KRT13: variants seen among roughly 807,000 people sequenced by gnomAD.
The protein encoded by KRT13 is keratin, type I cytoskeletal 13.
Under a neutral mutation model 40.6 loss-of-function variants are expected in KRT13, and 27 were observed. That is an observed-to-expected ratio of 0.67 (90% CI 0.49 to 0.92). The LOEUF is 0.92. KRT13 is among the 40% of genes least tolerant of loss of function. The probability of loss-of-function intolerance (pLI) is 0.00; values close to 1 mark genes in which losing one functional copy is unlikely to be tolerated. For missense variants in KRT13, 605 were observed against 611.5 expected (o/e 0.99, Z 0.11); for synonymous variants, 266 against 240.3 (o/e 1.11, Z -0.99).
chr17:41,503,525 A>C, intron 2 of KRT13, 82 bp from the exon 3 acceptor site: 2 of 1,553,358 alleles, frequency 1.3e-6, no homozygotes, highest in African/African-American at 2.7e-5. Context: ...CCTGCACGAG[A>C]CTCCAGTACT....
In KRT13 at chr17:41,501,150, AG is replaced by A; in HGVS notation, c.*105del. On this transcript the variant is annotated 3_prime_UTR_variant, in exon 8 of 8. Coordinates refer to ENST00000246635, the MANE Select transcript of KRT13 (RefSeq NM_153490.3). ...TCAGGACAGGGGGTCCTGAGAGCAG[AG>A]GGACTGAGCCTTGGGTCCAGCAGCC... The A allele has an allele frequency of 1.3e-6, 1 of 779,392 alleles. No individual in the cohort carries two copies. Among genetic ancestry groups the A allele is most frequent in the Non-Finnish European group, 2.2e-6 (1 of 455,018 alleles). 48.3% of individuals were successfully genotyped at this position (779,392 alleles called of 1,614,324 possible).
chr17:41,503,812 T>C (rs909847189), intron 1 of KRT13, 87 bp from the exon 2 acceptor site: 6 of 978,648 alleles, frequency 6.1e-6, no homozygotes, highest in East Asian at 2.4e-5. Context: ...AGAATTGTCT[T>C]GGGCAACACA....
chr17:41,503,053 C>G lies in KRT13; in HGVS notation c.781G>C (p.Glu261Gln), dbSNP rs375023751. Residue 261 changes from glutamate to glutamine, a missense_variant, in exon 4 of 8, where the codon GAG becomes CAG. By Grantham distance (29) the Glu-to-Gln change is conservative. Coordinates refer to ENST00000246635, the MANE Select transcript of KRT13 (RefSeq NM_153490.3). Reference protein sequence around the residue: ...SNQVVGQVNVEMDATPGIDLT... With the variant: ...SNQVVGQVNVQMDATPGIDLT... Reference sequence around the variant, plus strand: ...TCAATGCCTGGGGTGGCATCCATCTCCACGTTGACCTGGCCGACCACCTGG... The same window carrying G: ...TCAATGCCTGGGGTGGCATCCATCTGCACGTTGACCTGGCCGACCACCTGG... The G allele has an allele frequency of 1.9e-6, 3 of 1,614,238 alleles. No homozygotes were observed. Among genetic ancestry groups the G allele is most frequent in the Non-Finnish European group, 2.5e-6 (3 of 1,180,030 alleles).
chr17:41,501,748 G>A lies in KRT13; in HGVS notation c.1245-4C>T, dbSNP rs781006257. 1 of 1,595,244 alleles carries A rather than the reference G, an allele frequency of 6.3e-7. No homozygotes were observed. The highest frequency in any genetic ancestry group is 8.5e-7 in the Non-Finnish European group (1 of 1,170,380). ...TGAGGAAGGGAAACCAATCATCCTG[G>A]GAGAGAGGACAGAGGTGGCCATGAG... On this transcript the variant is annotated splice_region_variant and splice_polypyrimidine_tract_variant and intron_variant, in intron 6 of 7. Transcript: ENST00000246635.
rs779187731 is a variant in KRT13, at chr17:41,505,474, C to T, written c.77G>A (p.Gly26Asp). ...AGTTGAACAGGTAGAGACACCACGG[C>T]CTCCTCCCAGCTGGCAAGAGCCACC... Reference protein sequence around the residue: ...FGGGSCQLGGGRGVSTCSTRF... With the variant: ...FGGGSCQLGGDRGVSTCSTRF... Residue 26 changes from glycine to aspartate, a missense_variant, in exon 1 of 8, where the codon GGC (glycine) becomes GAC (aspartate). Physicochemically the swap from Gly to Asp is moderately conservative, Grantham distance 94. Coordinates refer to ENST00000246635, the MANE Select transcript of KRT13 (RefSeq NM_153490.3). 5 of 1,614,030 alleles carry T rather than the reference C, an allele frequency of 3.1e-6. No individual in the cohort carries two copies. Among genetic ancestry groups the T allele is most frequent in the African/African-American group, 1.3e-5 (1 of 74,940 alleles).
intron 7 of KRT13, 33 bp downstream of exon 7, chr17:41,501,686 G>GCCTCCC (rs1395881276): frequency 5.7e-6 from 9 of 1,565,886 alleles, no homozygotes; most frequent in Non-Finnish European, 7.8e-6. Flanking sequence ...GGCTAACTCT[G>GCCTCCC]CCTCCCCCTA....
In KRT13 at chr17:41,503,076, T is replaced by A; in HGVS notation, c.758A>T (p.Gln253Leu). ...HEEEMKEFSN[Q>L]VVGQVNVEMD... ...CTCCACGTTGACCTGGCCGACCACCTGGTTGCTAAATTCCTTCATCTCCTG... is the reference window on the plus strand; with the variant it reads ...CTCCACGTTGACCTGGCCGACCACCAGGTTGCTAAATTCCTTCATCTCCTG... Residue 253 changes from glutamine (Q) to leucine (L), a missense_variant, in exon 4 of 8, where the codon CAG becomes CTG. Physicochemically the swap from Gln to Leu is moderately radical, Grantham distance 113 (BLOSUM62 -2). Coordinates refer to ENST00000246635, the MANE Select transcript of KRT13 (RefSeq NM_153490.3). 6.2e-7 allele frequency: 1 copy of A among 1,614,216 alleles called. No homozygotes were observed. Among genetic ancestry groups the A allele is most frequent in the East Asian group, 2.2e-5 (1 of 44,878 alleles).
At chr17:41,503,573 G>A (rs909785698) in intron 2 of KRT13, 70 bp downstream of exon 2, 3 of 1,545,392 alleles carry the variant, frequency 1.9e-6, no homozygotes, top group East Asian at 2.2e-5. Context: ...AGTGTCATTG[G>A]TCAGATGAGC....
chr17:41,504,118 C>G (rs991962729), intron 1 of KRT13: 7 of 291,786 alleles, frequency 2.4e-5, no homozygotes, highest in South Asian at 2.4e-4. Flanking sequence ...GCCTCCATTG[C>G]TCTTCTGTAA....
intron 6 of KRT13, chr17:41,501,991 G>C: frequency 7.0e-7 from 1 of 1,428,062 alleles, no homozygotes; most frequent in Non-Finnish European, 9.1e-7. Context: ...CAGGGTGTTT[G>C]TCTTCCCTCT....
At position 41,502,552 on chromosome 17, in the gene KRT13, A is replaced by G. The variant is rs749461317; in HGVS notation, c.1066T>C (p.Tyr356His). ...TGGATCTGCTGCAGCTGCAGGGCAT[A>G]GCGGCACTCCGTCTCTGCCACCGTG... is the stretch of plus-strand genomic sequence containing the variant. ...ENTVAETECR[Y>H]ALQLQQIQGL... Residue 356 changes from tyrosine (Y) to histidine (H), a missense_variant, in exon 6 of 8, where the codon TAT becomes CAT. Tyr to His is a moderately conservative substitution (Grantham distance 83). Coordinates refer to ENST00000246635, the MANE Select transcript of KRT13 (RefSeq NM_153490.3). The G allele has an allele frequency of 6.2e-7, 1 of 1,613,754 alleles. No individual in the cohort carries two copies. The highest frequency in any genetic ancestry group is 1.3e-5 in the African/African-American group (1 of 74,930).
Position 41,503,264 on chromosome 17 carries a change from G to A in KRT13, c.735+23C>T, listed in dbSNP as rs777972648. The A allele has an allele frequency of 1.9e-6, 3 of 1,613,928 alleles. 1 individual carries two copies. Among genetic ancestry groups the A allele is most frequent in the South Asian group, 2.2e-5 (2 of 91,080 alleles). On this transcript the variant is annotated intron_variant, in intron 3 of 7. Coordinates refer to ENST00000246635, the MANE Select transcript of KRT13 (RefSeq NM_153490.3). ...TCTCACTGGAGGTTGTTGAGCCCAG[G>A]GCAGCCTGCAATTCCCGCTCACCTC...
intron 6 of KRT13, 125 bp from the exon 7 acceptor site, chr17:41,501,869 G>A: frequency 6.5e-7 from 1 of 1,542,484 alleles, no homozygotes. Context: ...GTGCCTCCTA[G>A]CTGTGCCCCC....
intron 6 of KRT13, 164 bp from the exon 7 acceptor site, chr17:41,501,908 C>G: frequency 6.6e-7 from 1 of 1,503,902 alleles, no homozygotes; most frequent in Non-Finnish European, 8.9e-7. Flanking sequence ...ATCAGGTGCC[C>G]ACTGGGACTG....
Position 41,501,234 on chromosome 17 carries a change from A to G in KRT13, c.*22T>C. 6.6e-7 allele frequency: 1 copy of G among 1,503,916 alleles called. No individual in the cohort carries two copies. The highest frequency in any genetic ancestry group is 9.1e-7 in the Non-Finnish European group (1 of 1,104,144). The allele number at this position is 1,503,916 out of a possible 1,614,324, so 93.2% of individuals were successfully genotyped here. On this transcript the variant is annotated 3_prime_UTR_variant, in exon 8 of 8. Coordinates refer to ENST00000246635, the MANE Select transcript of KRT13 (RefSeq NM_153490.3). ...CTCCTCCTCTGGGTGCTGAAGACAG[A>G]GGGAGGGGACGCCAGGCAGATTTAA...
At chr17:41,502,133 T>G (rs781448228) in intron 6 of KRT13, 17 of 1,436,574 alleles carry the variant, frequency 1.2e-5, no homozygotes, top group Non-Finnish European at 1.5e-5. Flanking sequence ...TCCAAGCTCA[T>G]GTTTTTCCAA....
chr17:41,505,132 T>G lies in KRT13; in HGVS notation c.419A>C (p.His140Pro). The G allele has an allele frequency of 6.2e-7, 1 of 1,614,184 alleles. No homozygotes were observed. The highest frequency in any genetic ancestry group is 8.5e-7 in the Non-Finnish European group (1 of 1,180,030). ...AGGGCTAGCTGGGCTCTGCTTCAGG[T>G]GCCAGTCACGGATCTTCACCTCCAG... ...ADLEVKIRDW[H>P]LKQSPASPER... Residue 140 changes from histidine to proline, a missense_variant, in exon 1 of 8, where the codon CAC becomes CCC. Coordinates refer to ENST00000246635, the MANE Select transcript of KRT13 (RefSeq NM_153490.3).
chr17:41,501,203 G>T lies in KRT13; in HGVS notation c.*53C>A. On this transcript the variant is annotated 3_prime_UTR_variant, in exon 8 of 8. Transcript: ENST00000246635. Reference sequence around the variant, plus strand: ...CTCCTCTCTCCTGCAGGGAACTGCCGGCTCTCTCCTCCTCTGGGTGCTGAA... The same window carrying T: ...CTCCTCTCTCCTGCAGGGAACTGCCTGCTCTCTCCTCCTCTGGGTGCTGAA... 1 of 1,331,794 alleles carries T rather than the reference G, an allele frequency of 7.5e-7. No homozygotes were observed. Among genetic ancestry groups the T allele is most frequent in the Non-Finnish European group, 1.1e-6 (1 of 951,162 alleles). 82.5% of individuals were successfully genotyped at this position (1,331,794 alleles called of 1,614,324 possible). A position where few individuals can be genotyped will look rare whatever the true frequency, so the allele number is the denominator to read the frequency against.
chr17:41,505,409 C>G lies in KRT13; in HGVS notation c.142G>C (p.Gly48Arg). 6.2e-7 allele frequency: 1 copy of G among 1,613,156 alleles called. No individual in the cohort carries two copies. Among genetic ancestry groups the G allele is most frequent in the Non-Finnish European group, 8.5e-7 (1 of 1,179,220 alleles). The change falls in exon 1 of 8, where the codon GGC becomes CGC. Residue 48 changes from glycine to arginine, a missense_variant. Transcript: ENST00000246635. ...CCTCCACCAAAACCACAGCTCACGCCGCCTCCATAGCCCCCAGCTGATCCC... is the reference window on the plus strand; with the variant it reads ...CCTCCACCAAAACCACAGCTCACGCGGCCTCCATAGCCCCCAGCTGATCCC... Reference protein sequence around the residue: ...SGGSAGGYGGGVSCGFGGGAG... With the variant: ...SGGSAGGYGGRVSCGFGGGAG...
Sources: gnomAD v4.1 joint callset for allele counts on GRCh38, gnomAD v4.1.1 for gene constraint, MANE v1.5 for transcripts, NCBI Gene and HGNC (gene_info 2026-07-23, HGNC 2026-07-21) for gene names.